The following NXNL2 variants were observed in gnomAD, a reference collection of about 807,000 sequenced individuals.
NXNL2 encodes the protein nucleoredoxin-like protein 2.
A neutral mutation model predicts 11.1 loss-of-function variants in NXNL2; 7 were observed. That is an observed-to-expected ratio of 0.63 (90% CI 0.36 to 1.18). The LOEUF (loss-of-function observed/expected upper bound fraction) is 1.18. Among genes scored for constraint, NXNL2 ranks in the 50% most tolerant of loss-of-function variants. NXNL2 has a pLI of 0.02. For synonymous variants in NXNL2, 109 were observed against 101.8 expected, an observed-to-expected ratio of 1.07 and a Z score of -0.42; for missense variants, 233 against 217.7, an observed-to-expected ratio of 1.07 and a Z score of -0.44.
Position 88,570,092 on chromosome 9 carries a change from AT to A in NXNL2, c.303-986del, listed in dbSNP as rs199976731. On this transcript the variant is annotated intron_variant, in intron 1 of 2. Coordinates refer to the NXNL2 transcript ENST00000375855. ...GTCACTCTTGGTTTTGCTTGTTTTTATTTTTTTTTAATTAATTAATTTTTTT... is the reference window on the plus strand; with the variant it reads ...GTCACTCTTGGTTTTGCTTGTTTTTATTTTTTTTAATTAATTAATTTTTTT... 5.1e-3 allele frequency among the ~76,000 whole-genome samples: 756 copies of A among 147,004 alleles called. 10 individuals are homozygous for A. Among genetic ancestry groups the A allele is most frequent in the African/African-American group, 0.017 (692 of 40,112 alleles).
intron 1 of NXNL2, 102 bp downstream of exon 1, chr9:88,535,838 C>G (rs879821584): frequency 2.2e-5 from 19 of 853,162 alleles, no homozygotes; most frequent in African/African-American, 8.6e-5. Flanking sequence ...GACGCCCCCC[C>G]CCAACACCTC....
intron 1 of NXNL2, among the ~76,000 whole-genome samples, chr9:88,537,577 T>G (rs12685193): frequency 0.17 from 26,380 of 152,182 alleles, 3,662 homozygotes; most frequent in East Asian, 0.77. Context: ...GTAAGCTAGG[T>G]AGTGGGATAT....
chr9:88,582,199 C>G (rs1352780887), intron 1 of NXNL2, among the ~76,000 whole-genome samples: 1 of 152,156 alleles, frequency 6.6e-6, no homozygotes, highest in Non-Finnish European at 1.5e-5. Context: ...CAGTCTAGAC[C>G]TGGGTGCAGT....
chr9:88,580,039 C>T (rs2118557806), downstream of NXNL2, among the ~76,000 whole-genome samples: 1 of 151,802 alleles, frequency 6.6e-6, no homozygotes, highest in Admixed American at 6.6e-5. Flanking sequence ...ACTCAGGAGG[C>T]TGAGGCAGGA....
intron 1 of NXNL2, among the ~76,000 whole-genome samples, chr9:88,552,933 A>G (rs1829961562): frequency 6.6e-6 from 1 of 152,156 alleles, no homozygotes; most frequent in South Asian, 2.1e-4. Flanking sequence ...TGGTGGAAAA[A>G]TTGCCCACGA....
intron 1 of NXNL2, among the ~76,000 whole-genome samples, chr9:88,567,294 A>C (rs1388183932): frequency 6.6e-6 from 1 of 152,096 alleles, no homozygotes; most frequent in South Asian, 2.1e-4. Flanking sequence ...GCCTGCCACC[A>C]TCCCCAGCTA....
downstream of NXNL2, among the ~76,000 whole-genome samples, chr9:88,584,494 G>A (rs1830440465): frequency 6.6e-6 from 1 of 152,160 alleles, no homozygotes; most frequent in African/African-American, 2.4e-5. Context: ...AGAAATAAAT[G>A]TCTGTTGTTT....
chr9:88,551,045 C>A (rs896452316), intron 1 of NXNL2, among the ~76,000 whole-genome samples: 1 of 152,118 alleles, frequency 6.6e-6, no homozygotes, highest in African/African-American at 2.4e-5. Context: ...TGGCAGGCCT[C>A]CAAGAGGGGT....
chr9:88,568,233 C>T (rs944834853), intron 1 of NXNL2, among the ~76,000 whole-genome samples: 1 of 152,200 alleles, frequency 6.6e-6, no homozygotes, highest in African/African-American at 2.4e-5. Context: ...TTAACAATGT[C>T]TTATTTTAAT....
At chr9:88,563,376 C>G (rs1263440445) in intron 1 of NXNL2, among the ~76,000 whole-genome samples, 1 of 152,208 alleles carries the variant, frequency 6.6e-6, no homozygotes. Context: ...CTCCTGACTT[C>G]CCATAGCTCA....
chr9:88,560,244 G>A lies in NXNL2; in HGVS notation c.303-10843G>A, dbSNP rs1830069718. Reference sequence around the variant, plus strand: ...TGGATGCATCTTTCTGCCAGCGGGAGGTTCTCCCCTGAGATCCTGTCATTG... The same window carrying A: ...TGGATGCATCTTTCTGCCAGCGGGAAGTTCTCCCCTGAGATCCTGTCATTG... On this transcript the variant is annotated intron_variant, in intron 1 of 2. Transcript: ENST00000375855. Among the ~76,000 whole-genome samples, 3 of 151,780 alleles carry A rather than the reference G, an allele frequency of 2.0e-5. No individual in the cohort carries two copies. In the South Asian group the frequency reaches 6.3e-4, roughly 32 times the overall value.
At chr9:88,565,467 G>T (rs1027698500) in intron 1 of NXNL2, among the ~76,000 whole-genome samples, 6 of 152,130 alleles carry the variant, frequency 3.9e-5, no homozygotes, top group African/African-American at 1.4e-4. Flanking sequence ...GCATCATTTT[G>T]CATTGCCACC....
In NXNL2 at chr9:88,535,484, C is replaced by A. The variant is rs763789247; in HGVS notation, c.50C>A (p.Thr17Lys). The A allele has an allele frequency of 1.2e-6, 2 of 1,608,992 alleles. No individual in the cohort carries two copies. Among genetic ancestry groups the A allele is most frequent in the African/African-American group, 2.7e-5 (2 of 74,750 alleles). Reference sequence around the variant, plus strand: ...CACCTGGTGACCTGTAAGGGCGCGACGGTGGAGGCCGAGGCGGCGCTGCAG... The same window carrying A: ...CACCTGGTGACCTGTAAGGGCGCGAAGGTGGAGGCCGAGGCGGCGCTGCAG... ...ERHLVTCKGA[T>K]VEAEAALQNK... The change falls in exon 1 of 2, where the codon ACG becomes AAG. Residue 17 changes from threonine to lysine, a missense_variant. Thr to Lys is a moderately conservative substitution (Grantham distance 78). Coordinates refer to ENST00000375854, the MANE Select transcript of NXNL2 (RefSeq NM_001161625.2).
rs190229475 is a variant in NXNL2 at position 88,536,071 on chromosome 9, C to A, written c.302+335C>A. On this transcript the variant is annotated intron_variant, in intron 1 of 1. Transcript: ENST00000375854. ...CCCAGTGGTGGTGATGCTGTGAGTTCGCGGGCTCGGCTCCGGGAACCGCCG... is the reference window on the plus strand; with the variant it reads ...CCCAGTGGTGGTGATGCTGTGAGTTAGCGGGCTCGGCTCCGGGAACCGCCG... Among the ~76,000 whole-genome samples the A allele has an allele frequency of 3.3e-3, 499 of 152,236 alleles. 5 individuals carry two copies. The highest frequency in any genetic ancestry group is 0.011 in the African/African-American group (476 of 41,552).
At chr9:88,557,917 C>T (rs1830039044) in intron 1 of NXNL2, among the ~76,000 whole-genome samples, 2 of 152,224 alleles carry the variant, frequency 1.3e-5, no homozygotes, top group Non-Finnish European at 2.9e-5. Flanking sequence ...TCTGCCCTTG[C>T]TTCATTCAGC....
At chr9:88,538,512 G>T (rs1829678129) in intron 1 of NXNL2, 1 of 152,210 alleles carries the variant, frequency 6.6e-6, no homozygotes, top group South Asian at 2.1e-4. Context: ...CCTTGCTCAG[G>T]CTGCAGGCAG....
chr9:88,543,402 G>T (rs1178089339), intron 1 of NXNL2, among the ~76,000 whole-genome samples: 1 of 152,070 alleles, frequency 6.6e-6, no homozygotes, highest in Non-Finnish European at 1.5e-5. Flanking sequence ...GAGTAGCTGG[G>T]ACTATAGGTG....
intron 1 of NXNL2, among the ~76,000 whole-genome samples, chr9:88,537,984 G>A (rs1829663649): frequency 6.6e-6 from 1 of 152,220 alleles, no homozygotes; most frequent in Non-Finnish European, 1.5e-5. Flanking sequence ...GGTTGCAACA[G>A]TGCTGAGGAC....
intron 1 of NXNL2, among the ~76,000 whole-genome samples, chr9:88,553,092 G>T (rs887675652): frequency 2.0e-5 from 3 of 152,094 alleles, no homozygotes; most frequent in Admixed American, 1.3e-4. Flanking sequence ...AGTGAATGCC[G>T]TAATAATTGC....
Sources: gnomAD v4.1 joint callset for allele counts (sites outside exome capture counted in the v4.1 genomes callset) on GRCh38, gnomAD v4.1.1 for gene constraint, MANE v1.5 for transcripts, NCBI Gene and HGNC (gene_info 2026-07-23, HGNC 2026-07-21) for gene names.